The following TACC2 variants were observed in gnomAD, a reference collection of about 807,000 sequenced individuals.
The protein encoded by TACC2 is transforming acidic coiled-coil containing protein 2.
A neutral mutation model predicts 227.3 loss-of-function variants in TACC2; 137 were observed. The ratio of observed to expected loss-of-function variants is 0.60; its 90% confidence interval spans 0.52 to 0.69. The LOEUF is 0.69. TACC2 is among the 30% of genes least tolerant of loss of function. The probability of loss-of-function intolerance (pLI) is 0.00; values close to 1 mark genes in which losing one functional copy is unlikely to be tolerated. For missense variants in TACC2, 3,470 were observed against 3,694.4 expected, an observed-to-expected ratio of 0.94 and a Z score of 1.57; for synonymous variants, 1,523 against 1,487.5, an observed-to-expected ratio of 1.02 and a Z score of -0.55.
rs759045351 is a variant in TACC2, at chr10:122,230,420, C to T, written c.8107C>T (p.Arg2703Cys). 16 of 1,614,008 alleles carry T rather than the reference C, an allele frequency of 9.9e-6. No homozygotes were observed. Among genetic ancestry groups the T allele is most frequent in the African/African-American group, 1.3e-5 (1 of 74,916 alleles). The change falls in exon 16 of 23, where the codon CGC becomes TGC. Residue 2703 changes from arginine (R) to cysteine (C), a missense_variant. Physicochemically the swap from Arg to Cys is radical, Grantham distance 180. This residue lies in a region of TACC2 where 345 missense variants were observed against 354.4 expected (regional missense o/e 0.97). Coordinates refer to ENST00000369005, the MANE Select transcript of TACC2 (RefSeq NM_206862.4). ...KLARQIALAS[R>C]SHQDAKREAA... ...GGCCAGGCAGATTGCTTTGGCTTCC[C>T]GCAGCCACCAGGATGCCAAGGTACC...
chr10:122,143,087 G>A (rs550266716), intron 6 of TACC2, among the ~76,000 whole-genome samples: 2 of 152,332 alleles, frequency 1.3e-5, no homozygotes, highest in African/African-American at 2.4e-5. Flanking sequence ...TGGTCCCGGG[G>A]CAGGTTCCCG....
intron 18 of TACC2, among the ~76,000 whole-genome samples, chr10:122,238,394 T>C (rs2095903975): frequency 6.6e-6 from 1 of 152,190 alleles, no homozygotes; most frequent in African/African-American, 2.4e-5. Flanking sequence ...GCCTCTTTTT[T>C]CTCCAAAATA....
intron 16 of TACC2, among the ~76,000 whole-genome samples, chr10:122,236,887 G>A (rs1332250143): frequency 3.9e-5 from 6 of 152,200 alleles, no homozygotes; most frequent in Admixed American, 3.3e-4. Flanking sequence ...TAAGCTTTGC[G>A]TGACTCACAT....
intron 3 of TACC2, among the ~76,000 whole-genome samples, chr10:122,078,467 C>A (rs1591759517): frequency 6.6e-6 from 1 of 152,116 alleles, no homozygotes; most frequent in Admixed American, 6.5e-5. Flanking sequence ...GGCAGATGAC[C>A]CCCTGCCAGC....
At position 122,210,565 on chromosome 10, in the gene TACC2, A is replaced by C; in HGVS notation, c.6140A>C (p.Asp2047Ala). The change falls in exon 9 of 23, where the codon GAT becomes GCT. Residue 2047 changes from aspartate to alanine, a missense_variant. Coordinates refer to ENST00000369005, the MANE Select transcript of TACC2 (RefSeq NM_206862.4). This position sits in a 1 kb window ranked among gnomAD's most constrained non-coding sequence, Gnocchi z 4.6. ...NLDFDNIELV[D>A]TFQTLEPRAS... is the part of the protein sequence containing the mutation. Reference sequence around the variant, plus strand: ...GACTTTGACAACATTGAGCTTGTGGATACCTTTCAGACCTTGGAGCCTCGT... The same window carrying C: ...GACTTTGACAACATTGAGCTTGTGGCTACCTTTCAGACCTTGGAGCCTCGT... The C allele has an allele frequency of 6.2e-7, 1 of 1,614,128 alleles. No homozygotes were observed. The highest frequency in any genetic ancestry group is 1.3e-5 in the African/African-American group (1 of 75,026).
chr10:122,238,160 A>G, intron 18 of TACC2, 123 bp downstream of exon 18: 2 of 684,094 alleles, frequency 2.9e-6, no homozygotes, highest in South Asian at 4.1e-5. Context: ...TCTTTATTAC[A>G]CACAGTTCAT....
rs1306754913 is a variant in TACC2, at chr10:122,180,399, G to A, written c.5835-14641G>A. Among the ~76,000 whole-genome samples, 5 of 150,538 alleles carry A rather than the reference G, an allele frequency of 3.3e-5. No homozygotes were observed. The highest frequency in any genetic ancestry group is 9.8e-5 in the African/African-American group (4 of 40,888). On this transcript the variant is annotated intron_variant, in intron 7 of 22. Transcript: ENST00000369005. The surrounding 1 kb of genome is among the most constrained non-coding windows in gnomAD (Gnocchi z 4.5). ...GTCGCCCAGGCTGGAGTGCAGTGGC[G>A]CAATTTCAGCTCACTGCAAGCTCCG... is the stretch of plus-strand genomic sequence containing the variant.
intron 7 of TACC2, among the ~76,000 whole-genome samples, chr10:122,176,403 G>T (rs1393442062): frequency 6.6e-6 from 1 of 152,036 alleles, no homozygotes; most frequent in Non-Finnish European, 1.5e-5. Context: ...AAAGAACTTT[G>T]ACTCTTGCGC....
intron 7 of TACC2, among the ~76,000 whole-genome samples, chr10:122,179,923 T>TA (rs143106411): frequency 0.049 from 7,342 of 148,712 alleles, 244 homozygotes; most frequent in Non-Finnish European, 0.072. Context: ...CTACAAAAAA[T>TA]AAAAAAAAAA....
intron 2 of TACC2, among the ~76,000 whole-genome samples, chr10:122,039,988 C>CT (rs397774380): frequency 1.3e-5 from 2 of 152,010 alleles, no homozygotes; most frequent in Non-Finnish European, 2.9e-5. Flanking sequence ...AGCCCAGCCC[C>CT]TTGTGGGTGC....
At chr10:122,224,070 G>A (rs1346094094) in intron 11 of TACC2, among the ~76,000 whole-genome samples, 1 of 152,196 alleles carries the variant, frequency 6.6e-6, no homozygotes, top group Non-Finnish European at 1.5e-5. Context: ...TCTCCATTGA[G>A]TGTATGGGAT....
chr10:122,213,801 A>G (rs536250569), intron 9 of TACC2, among the ~76,000 whole-genome samples: 5 of 152,232 alleles, frequency 3.3e-5, no homozygotes, highest in Non-Finnish European at 7.3e-5. Flanking sequence ...AGCGACGGCC[A>G]CAGCTTATTC....
intron 5 of TACC2, among the ~76,000 whole-genome samples, chr10:122,106,516 C>T (rs1186179946): frequency 3.3e-5 from 5 of 152,180 alleles, no homozygotes; most frequent in African/African-American, 1.2e-4. Flanking sequence ...GTTGCTACAA[C>T]ATAATTTTAA....
At chr10:122,133,796 G>A (rs1487522492) in intron 6 of TACC2, among the ~76,000 whole-genome samples, 2 of 152,152 alleles carry the variant, frequency 1.3e-5, no homozygotes, top group East Asian at 1.9e-4. Flanking sequence ...TAAATGACCC[G>A]TATCTAATTC....
chr10:121,999,601 C>G (rs1954020635), intron 1 of TACC2, among the ~76,000 whole-genome samples: 1 of 152,230 alleles, frequency 6.6e-6, no homozygotes, highest in Admixed American at 6.5e-5. Context: ...TGGCGTGCCT[C>G]TCTTTGCCCA....
rs780520493 is a variant in TACC2, at chr10:122,087,575, C to T, written c.5075C>T (p.Pro1692Leu). The T allele has an allele frequency of 6.2e-7, 1 of 1,613,754 alleles. No individual in the cohort carries two copies. Among genetic ancestry groups the T allele is most frequent in the Non-Finnish European group, 8.5e-7 (1 of 1,180,036 alleles). Residue 1692 changes from proline to leucine, a missense_variant, in exon 4 of 23, where the codon CCC becomes CTC. Pro to Leu is a moderately conservative substitution (Grantham distance 98). Around this residue, in one of 10 missense-constraint regions of TACC2, gnomAD observed 1,924 missense variants for 1,978.3 expected, o/e 0.97. Transcript: ENST00000369005. ...CCAACTGGAGAAGTGGCAGACACTC[C>T]CCTGGAGCCTGGCAAGGTGGCAGGC... is the stretch of plus-strand genomic sequence containing the variant. ...APPTGEVADT[P>L]LEPGKVAGAA... is the part of the protein sequence containing the mutation.
At chr10:122,008,869 A>G (rs11200323) in intron 1 of TACC2, among the ~76,000 whole-genome samples, 106,478 of 152,170 alleles carry the variant, frequency 0.7, 38,203 homozygotes, top group East Asian at 0.88. Context: ...CACCATGCCC[A>G]GCCGTACATA....
chr10:122,249,732 G>T, intron 22 of TACC2, 68 bp downstream of exon 22: 1 of 1,533,892 alleles, frequency 6.5e-7, no homozygotes, highest in Non-Finnish European at 8.8e-7. Flanking sequence ...GGCCAGTCCA[G>T]CTAGACAGGC....
chr10:122,140,622 GCTGT>G (rs2090388436), intron 6 of TACC2, among the ~76,000 whole-genome samples: 1 of 152,222 alleles, frequency 6.6e-6, no homozygotes, highest in Non-Finnish European at 1.5e-5. Context: ...GGGTTTGGCA[GCTGT>G]CTGGAAGGTT....
Sources: allele counts gnomAD v4.1 joint callset (sites outside exome capture counted in the v4.1 genomes callset), GRCh38; gene constraint gnomAD v4.1.1; regional missense constraint gnomAD v4.1.1; non-coding constraint Gnocchi (gnomAD v3.1); transcripts MANE v1.5; gene names NCBI Gene and HGNC (gene_info 2026-07-23, HGNC 2026-07-21).